Variants in NIPBL observed in about 807,000 individuals in gnomAD.
NIPBL encodes the protein NIPBL cohesin loading factor.
In NIPBL, 19 loss-of-function variants were observed where a neutral mutation model predicts 321.8. That is an observed-to-expected ratio of 0.06 (90% CI 0.04 to 0.09). The LOEUF (loss-of-function observed/expected upper bound fraction) is 0.09. Among genes scored for constraint, NIPBL ranks in the 10% least tolerant of loss-of-function variants. The probability of loss-of-function intolerance (pLI) is 1.00; values close to 1 mark genes in which losing one functional copy is unlikely to be tolerated. For synonymous variants in NIPBL, 1,106 were observed against 1,114.1 expected (o/e 0.99, Z 0.14); for missense variants, 2,210 against 3,327.0 (o/e 0.66, Z 8.26).
At chr5:36,966,886 G>A (rs561551243) in intron 6 of NIPBL, among the ~76,000 whole-genome samples, 3 of 151,978 alleles carry the variant, frequency 2.0e-5, no homozygotes, top group Non-Finnish European at 2.9e-5. Context: ...AAACGTGGGC[G>A]AATTTTTGGT....
Position 36,985,305 on chromosome 5 carries a change from A to AGCC in NIPBL, c.2127_2129dup (p.Arg710dup). ...TGAAACCCCAAAGCAAAAGGGTGAA[A>AGCC]GCCGGCCTGAGACTCCAAAACAAAA... On this transcript the variant is annotated inframe_insertion, in exon 10 of 47. Coordinates refer to ENST00000282516, the MANE Select transcript of NIPBL (RefSeq NM_133433.4). 1 of 1,613,736 alleles carries AGCC rather than the reference A, an allele frequency of 6.2e-7. No homozygotes were observed. The highest frequency in any genetic ancestry group is 1.1e-5 in the South Asian group (1 of 91,074).
intron 1 of NIPBL, chr5:36,885,276 A>G (rs1043495859): frequency 3.3e-5 from 17 of 507,908 alleles, no homozygotes; most frequent in African/African-American, 2.2e-4. Context: ...CCACCCAGCT[A>G]TGGTGCCTGA....
chr5:36,910,000 T>C (rs765877526), intron 1 of NIPBL, among the ~76,000 whole-genome samples: 18 of 151,602 alleles, frequency 1.2e-4, no homozygotes, highest in Non-Finnish European at 2.2e-4. Context: ...CACTTGAACC[T>C]GGGAGGCAGA....
intron 16 of NIPBL, among the ~76,000 whole-genome samples, chr5:37,004,209 G>A (rs1327495113): frequency 2.6e-5 from 4 of 152,138 alleles, no homozygotes; most frequent in Non-Finnish European, 5.9e-5. Context: ...AAAAGCAGTA[G>A]CAACATGCTT....
chr5:36,933,267 TATA>T (rs1749917984), intron 1 of NIPBL, among the ~76,000 whole-genome samples: 1 of 152,156 alleles, frequency 6.6e-6, no homozygotes, highest in African/African-American at 2.4e-5. Flanking sequence ...CATGGTTACT[TATA>T]ATAACCAGTT....
intron 27 of NIPBL, among the ~76,000 whole-genome samples, 199 bp from the exon 28 acceptor site, chr5:37,021,852 A>C (rs1749685656): frequency 6.6e-6 from 1 of 152,240 alleles, no homozygotes; most frequent in African/African-American, 2.4e-5. Flanking sequence ...AAAGGCTCCA[A>C]AGTATGGACT....
intron 8 of NIPBL, among the ~76,000 whole-genome samples, chr5:36,974,820 T>TA (rs892176751): frequency 1.3e-5 from 2 of 152,102 alleles, no homozygotes; most frequent in African/African-American, 4.8e-5. Context: ...GTTCTGTCTG[T>TA]AAAAAAACTT....
chr5:37,015,701 A>T (rs1441306557), intron 22 of NIPBL, among the ~76,000 whole-genome samples: 3 of 152,150 alleles, frequency 2.0e-5, no homozygotes. Flanking sequence ...ACTGCACTCC[A>T]GCCTGGGTGA....
chr5:36,916,186 C>T (rs1019546465), intron 1 of NIPBL, among the ~76,000 whole-genome samples: 1 of 152,154 alleles, frequency 6.6e-6, no homozygotes, highest in Non-Finnish European at 1.5e-5. Context: ...TAGATAATTG[C>T]CTTTTGGCAA....
At chr5:37,054,016 T>A (rs981546121) in intron 42 of NIPBL, among the ~76,000 whole-genome samples, 3 of 151,812 alleles carry the variant, frequency 2.0e-5, no homozygotes, top group Non-Finnish European at 2.9e-5. Flanking sequence ...ACCAACATGG[T>A]GAAACCCCAT....
chr5:36,953,253 G>A (rs562283501), intron 1 of NIPBL, among the ~76,000 whole-genome samples: 3 of 152,282 alleles, frequency 2.0e-5, no homozygotes, highest in South Asian at 2.1e-4. Context: ...AGTGCTTGTC[G>A]AGGTTGATCA....
At chr5:36,945,708 GTTTT>G in intron 1 of NIPBL, among the ~76,000 whole-genome samples, 1 of 152,252 alleles carries the variant, frequency 6.6e-6, no homozygotes, top group Admixed American at 6.5e-5. Flanking sequence ...AAGCAGAAAT[GTTTT>G]AAAGAAAGTG....
intron 29 of NIPBL, 108 bp downstream of exon 29, chr5:37,022,498 T>G (rs1749761942): frequency 1.0e-6 from 1 of 982,942 alleles, no homozygotes; most frequent in African/African-American, 1.6e-5. Context: ...AATTATATAT[T>G]TATATTGTCA....
rs61285565 is a variant in NIPBL at position 36,988,779 on chromosome 5, A to G, written c.3121+2478A>G. Among the ~76,000 whole-genome samples the G allele has an allele frequency of 3.9e-3, 588 of 152,256 alleles. 7 individuals carry two copies. The highest frequency in any genetic ancestry group is 0.014 in the African/African-American group (568 of 41,574). On this transcript the variant is annotated intron_variant, in intron 10 of 46. Coordinates refer to ENST00000282516, the MANE Select transcript of NIPBL (RefSeq NM_133433.4). ...CCTAGGGCCAAAATTGAAGAGCCAT[A>G]AATTTCCATCTTTTAAATATTTTAC...
chr5:36,993,399 T>A (rs981322024), intron 10 of NIPBL, among the ~76,000 whole-genome samples: 1 of 152,208 alleles, frequency 6.6e-6, no homozygotes, highest in African/African-American at 2.4e-5. Context: ...AAACTACTGT[T>A]GATAAATGTT....
chr5:37,048,706 G>C, intron 39 of NIPBL, 31 bp downstream of exon 39: 1 of 1,478,874 alleles, frequency 6.8e-7, no homozygotes. Context: ...AAATTTCATA[G>C]CTACATTTAT....
intron 21 of NIPBL, among the ~76,000 whole-genome samples, chr5:37,013,635 C>G (rs913884678): frequency 2.0e-5 from 3 of 152,132 alleles, no homozygotes; most frequent in African/African-American, 7.2e-5. Context: ...ACGCTCCTCA[C>G]TTCCCAGATG....
intron 34 of NIPBL, among the ~76,000 whole-genome samples, chr5:37,039,345 A>G (rs1752069790): frequency 6.6e-6 from 1 of 151,012 alleles, no homozygotes; most frequent in Non-Finnish European, 1.5e-5. Flanking sequence ...TTAAATATGG[A>G]AAATCTATAA....
chr5:36,946,104 G>A (rs1739638195), intron 1 of NIPBL, among the ~76,000 whole-genome samples: 1 of 151,804 alleles, frequency 6.6e-6, no homozygotes, highest in Admixed American at 6.6e-5. Flanking sequence ...ATTCTTTAAT[G>A]TGAGAAGGCT....
Sources: allele counts gnomAD v4.1 joint callset (sites outside exome capture counted in the v4.1 genomes callset), GRCh38; gene constraint gnomAD v4.1.1; transcripts MANE v1.5; gene names NCBI Gene and HGNC (gene_info 2026-07-23, HGNC 2026-07-21).